Variants in CPNE5 observed in about 807,000 individuals in gnomAD.
The protein encoded by CPNE5 is copine 5, also known as copine-5.
In CPNE5, 42 loss-of-function variants were observed where a neutral mutation model predicts 81.1. The observed-to-expected ratio is 0.52, with a 90% CI of 0.40 to 0.67. CPNE5 has a LOEUF of 0.67. CPNE5 is among the 30% of genes least tolerant of loss of function. CPNE5 has a pLI of 0.00. For synonymous variants in CPNE5, 313 were observed against 321.5 expected (o/e 0.97, Z 0.28); for missense variants, 612 against 815.5 (o/e 0.75, Z 3.04).
Position 36,745,063 on chromosome 6 carries a change from C to T in CPNE5, c.1416G>A (p.Lys472=), listed in dbSNP as rs1425188750. 6.2e-7 allele frequency: 1 copy of T among 1,613,708 alleles called. No individual in the cohort carries two copies. The highest frequency in any genetic ancestry group is 1.3e-5 in the African/African-American group (1 of 74,930). The change falls in exon 18 of 21, where the codon AAG becomes AAA. Residue 472 remains lysine (K), a synonymous_variant. Transcript: ENST00000244751. ...DGVISDMAQT[K]EAIVNAAKLP... The stretch of plus-strand genomic sequence containing the variant: ...CCTTGCTTACGTTGACAATGGCCTC[C>T]TTGGTCTGCGCCATGTCCGAGATGA...
intron 1 of CPNE5, among the ~76,000 whole-genome samples, chr6:36,826,246 G>T (rs1772494060): frequency 6.6e-6 from 1 of 152,124 alleles, no homozygotes. Context: ...CCACTTCCCA[G>T]CTGGGCTAGA....
At chr6:36,772,606 G>GTCGGGGA in intron 10 of CPNE5, among the ~76,000 whole-genome samples, 1 of 152,300 alleles carries the variant, frequency 6.6e-6, no homozygotes, top group African/African-American at 2.4e-5. Context: ...GAGGCGCCAC[G>GTCGGGGA]CTGGGACACA....
Position 36,778,423 on chromosome 6 carries a change from G to A in CPNE5, c.632+431C>T, listed in dbSNP as rs931947682. On this transcript the variant is annotated intron_variant, in intron 9 of 20. Coordinates refer to ENST00000244751, the MANE Select transcript of CPNE5 (RefSeq NM_020939.2). Reference sequence around the variant, plus strand: ...CCCTGTTGTGTGGGCAGTAGCGGGGGGCCAGACTGGGGGCTGCTCAGAGGG... The same window carrying A: ...CCCTGTTGTGTGGGCAGTAGCGGGGAGCCAGACTGGGGGCTGCTCAGAGGG... Among the ~76,000 whole-genome samples the A allele has an allele frequency of 3.9e-5, 6 of 152,224 alleles. No individual in the cohort carries two copies. In the East Asian group the frequency reaches 1.2e-3, roughly 29 times the overall value.
intron 3 of CPNE5, among the ~76,000 whole-genome samples, chr6:36,807,675 G>A (rs1310099767): frequency 1.3e-5 from 2 of 151,996 alleles, no homozygotes; most frequent in South Asian, 2.1e-4. Context: ...GGGGTCTCCC[G>A]AAAGCCCTAG....
chr6:36,762,801 AC>A lies in CPNE5; in HGVS notation c.855+115del, dbSNP rs1210418615. On this transcript the variant is annotated intron_variant, in intron 12 of 20. Transcript: ENST00000244751. The stretch of plus-strand genomic sequence containing the variant: ...TCCTTAACGGTAGAATGGGACAATA[AC>A]CCCTTTCTCACAGGAAAACACACCA... 1.1e-5 allele frequency: 9 copies of A among 812,178 alleles called. No homozygotes were observed. In the Admixed American group the frequency reaches 1.4e-4, roughly 13 times the overall value. The allele number at this position is 812,178 out of a possible 1,614,324, so 50.3% of individuals were successfully genotyped here.
intron 7 of CPNE5, among the ~76,000 whole-genome samples, chr6:36,792,682 C>G (rs1561791520): frequency 1.3e-5 from 2 of 152,160 alleles, no homozygotes; most frequent in Non-Finnish European, 2.9e-5. Context: ...TGTGCAGCTC[C>G]CCAGTGAAGT....
intron 12 of CPNE5, 152 bp downstream of exon 12, chr6:36,762,765 A>C: frequency 1.6e-6 from 1 of 638,394 alleles, no homozygotes; most frequent in Non-Finnish European, 2.7e-6. Context: ...GCACTTCTCC[A>C]AGACTTGGTC....
chr6:36,798,563 AGTT>A, intron 4 of CPNE5, 69 bp from the exon 5 acceptor site: 1 of 1,456,530 alleles, frequency 6.9e-7, no homozygotes, highest in Non-Finnish European at 9.6e-7. Context: ...TGGGTTCTCA[AGTT>A]GAGTCAGGGC....
intron 1 of CPNE5, chr6:36,827,551 C>T: frequency 1.0e-6 from 1 of 985,338 alleles, no homozygotes; most frequent in Non-Finnish European, 1.2e-6. Context: ...TGTTGAGACA[C>T]CGTCTCTTAG....
At chr6:36,821,239 G>T (rs139394174) in intron 3 of CPNE5, among the ~76,000 whole-genome samples, 3 of 152,058 alleles carry the variant, frequency 2.0e-5, no homozygotes, top group Non-Finnish European at 2.9e-5. Context: ...GGGGCGGGCC[G>T]TGTGACTGGA....
intron 12 of CPNE5, among the ~76,000 whole-genome samples, chr6:36,758,488 A>G (rs1198526008): frequency 6.6e-6 from 1 of 151,388 alleles, no homozygotes; most frequent in Admixed American, 6.6e-5. Context: ...GGCTCAAGCA[A>G]TCCTCCTGCC....
intron 1 of CPNE5, 124 bp from the exon 2 acceptor site, chr6:36,823,222 C>T (rs910356697): frequency 5.7e-6 from 4 of 705,968 alleles, no homozygotes; most frequent in African/African-American, 5.5e-5. Flanking sequence ...AACAGTTCCA[C>T]AATCGTTTAT....
chr6:36,803,245 C>T (rs558543684), intron 3 of CPNE5, among the ~76,000 whole-genome samples: 2 of 152,318 alleles, frequency 1.3e-5, no homozygotes, highest in Admixed American at 6.5e-5. Context: ...TCGACTACCA[C>T]GGCAACCTCC....
chr6:36,799,082 G>A (rs1366253808), intron 4 of CPNE5, among the ~76,000 whole-genome samples: 2 of 152,038 alleles, frequency 1.3e-5, no homozygotes, highest in African/African-American at 4.8e-5. Flanking sequence ...CCTGCTCACC[G>A]GGGGCCTGAT....
At chr6:36,823,197 C>G in intron 1 of CPNE5, 99 bp from the exon 2 acceptor site, 4 of 1,008,370 alleles carry the variant, frequency 4.0e-6, no homozygotes, top group Non-Finnish European at 5.6e-6. Flanking sequence ...CTGCCTCTGG[C>G]CTGGCCTCAG....
At chr6:36,820,310 G>A (rs1036329155) in intron 3 of CPNE5, among the ~76,000 whole-genome samples, 3 of 149,482 alleles carry the variant, frequency 2.0e-5, no homozygotes, top group African/African-American at 7.4e-5. Flanking sequence ...GCCTCTGTAG[G>A]CCCAGCTTCC....
chr6:36,832,541 A>G (rs571257349), intron 1 of CPNE5, among the ~76,000 whole-genome samples: 17 of 152,332 alleles, frequency 1.1e-4, no homozygotes, highest in African/African-American at 4.1e-4. Flanking sequence ...TGATGCCTGA[A>G]GCAGAGGCAG....
At position 36,756,260 on chromosome 6, in the gene CPNE5, G is replaced by A. The variant is rs1048732900; in HGVS notation, c.894C>T (p.Tyr298=). ...NPKKKMKKKK[Y]VNSGTVTLLS... The stretch of plus-strand genomic sequence containing the variant: ...GGCTACTCACTGTGCCAGAATTCAC[G>A]TATTTCTTTTTCTTCATTTTCTTTT... Residue 298 remains tyrosine (Y), a synonymous_variant, in exon 13 of 21, where the codon TAC becomes TAT. Coordinates refer to ENST00000244751, the MANE Select transcript of CPNE5 (RefSeq NM_020939.2). 1.7e-5 allele frequency: 27 copies of A among 1,613,664 alleles called. No homozygotes were observed. The highest frequency in any genetic ancestry group is 2.2e-5 in the South Asian group (2 of 91,006).
chr6:36,828,808 T>C (rs1396182375), intron 1 of CPNE5, among the ~76,000 whole-genome samples: 1 of 152,130 alleles, frequency 6.6e-6, no homozygotes, highest in Non-Finnish European at 1.5e-5. Context: ...GTGGGGGCAT[T>C]GAGAGCATAG....
Sources: allele counts gnomAD v4.1 joint callset (sites outside exome capture counted in the v4.1 genomes callset), GRCh38; gene constraint gnomAD v4.1.1; transcripts MANE v1.5; gene names NCBI Gene and HGNC (gene_info 2026-07-23, HGNC 2026-07-21).